Variants in MAP4K5 observed in about 807,000 individuals in gnomAD.
The protein encoded by MAP4K5 is mitogen-activated protein kinase kinase kinase kinase 5, also known as MAPK/ERK kinase kinase kinase 5.
Under a neutral mutation model 135.6 loss-of-function variants are expected in MAP4K5, and 82 were observed. The observed-to-expected ratio is 0.60, with a 90% CI of 0.51 to 0.73. The LOEUF is 0.73. Among genes scored for constraint, MAP4K5 ranks in the 30% least tolerant of loss-of-function variants. The pLI is 0.00. For synonymous variants in MAP4K5, 347 were observed against 335.0 expected, an observed-to-expected ratio of 1.04 and a Z score of -0.39; for missense variants, 907 against 1,010.9, an observed-to-expected ratio of 0.90 and a Z score of 1.39.
intron 1 of MAP4K5, chr14:50,559,438 T>C (rs191111094): frequency 7.2e-5 from 11 of 152,328 alleles, no homozygotes; most frequent in African/African-American, 2.4e-4. Context: ...ATTTTTTTTC[T>C]TTTCCTTTCA....
chr14:50,450,936 A>G (rs2036470490), intron 14 of MAP4K5, among the ~76,000 whole-genome samples: 1 of 152,224 alleles, frequency 6.6e-6, no homozygotes, highest in South Asian at 2.1e-4. Flanking sequence ...CCAGTTGAAA[A>G]CAAATTAGTA....
chr14:50,481,476 C>T (rs1336580151), intron 6 of MAP4K5, among the ~76,000 whole-genome samples: 1 of 151,932 alleles, frequency 6.6e-6, no homozygotes, highest in African/African-American at 2.4e-5. Flanking sequence ...CATAGAGTAT[C>T]AATTTCTTTC....
Position 50,419,819 on chromosome 14 carries a change from A to G in MAP4K5, c.*200T>C. ...AGCTTTTATTAAGCAAACTTGATAT[A>G]ACCACCACACAGTGGCAAGAGATAG... On this transcript the variant is annotated 3_prime_UTR_variant, in exon 33 of 33. Transcript: ENST00000682126. The G allele has an allele frequency of 4.1e-6, 2 of 486,348 alleles. No homozygotes were observed. The highest frequency in any genetic ancestry group is 7.7e-5 in the South Asian group (2 of 26,024). 30.1% of individuals were successfully genotyped at this position (486,348 alleles called of 1,614,324 possible).
chr14:50,508,267 CAT>C (rs1367392638), intron 2 of MAP4K5, among the ~76,000 whole-genome samples: 3 of 152,030 alleles, frequency 2.0e-5, no homozygotes, highest in African/African-American at 4.8e-5. Flanking sequence ...CACATGCACA[CAT>C]ATGTTTATTG....
chr14:50,485,544 G>A lies in MAP4K5; in HGVS notation c.322+34C>T, dbSNP rs192232053. 339 of 1,347,738 alleles carry A rather than the reference G, an allele frequency of 2.5e-4. 1 individual carries two copies. The African/African-American group carries it at 4.4e-3, about 17-fold the overall frequency. The allele number at this position is 1,347,738 out of a possible 1,614,324, so 83.5% of individuals were successfully genotyped here. Reference sequence around the variant, plus strand: ...TCGAACAACAATCATTAAAACCAAAGTCTGTTTAAAATGTAAAGTCAAATT... The same window carrying A: ...TCGAACAACAATCATTAAAACCAAAATCTGTTTAAAATGTAAAGTCAAATT... On this transcript the variant is annotated intron_variant, in intron 5 of 32. Transcript: ENST00000682126.
chr14:50,498,025 A>T (rs765752306), intron 3 of MAP4K5, among the ~76,000 whole-genome samples: 5 of 152,186 alleles, frequency 3.3e-5, no homozygotes, highest in Non-Finnish European at 4.4e-5. Flanking sequence ...GGAAAGTAGG[A>T]TTCTGATGGT....
intron 13 of MAP4K5, among the ~76,000 whole-genome samples, chr14:50,458,276 G>A (rs958375200): frequency 1.3e-5 from 2 of 151,976 alleles, no homozygotes; most frequent in African/African-American, 4.8e-5. Flanking sequence ...CCTTCTCATG[G>A]ACTCTGCCTT....
chr14:50,467,956 A>C (rs1286951482), intron 10 of MAP4K5, among the ~76,000 whole-genome samples: 1 of 151,982 alleles, frequency 6.6e-6, no homozygotes, highest in African/African-American at 2.4e-5. Context: ...CATTCTGTTA[A>C]TTTTCTTTTT....
intron 3 of MAP4K5, among the ~76,000 whole-genome samples, chr14:50,497,584 C>T (rs1479119657): frequency 6.6e-6 from 1 of 152,162 alleles, no homozygotes; most frequent in Non-Finnish European, 1.5e-5. Flanking sequence ...AAGAACAAGG[C>T]AAACTAATGG....
At chr14:50,527,197 A>T (rs753798539) in intron 2 of MAP4K5, among the ~76,000 whole-genome samples, 2 of 151,316 alleles carry the variant, frequency 1.3e-5, no homozygotes, top group Non-Finnish European at 2.9e-5. Context: ...AAATTAGCTG[A>T]GTGTGGTGGC....
At chr14:50,479,272 G>T in intron 6 of MAP4K5, among the ~76,000 whole-genome samples, 1 of 146,688 alleles carries the variant, frequency 6.8e-6, no homozygotes, top group African/African-American at 2.5e-5. Context: ...ACTTGAAATT[G>T]TCCTACAGCT....
At chr14:50,502,151 T>C (rs1367301534) in intron 3 of MAP4K5, among the ~76,000 whole-genome samples, 2 of 152,158 alleles carry the variant, frequency 1.3e-5, no homozygotes, top group African/African-American at 4.8e-5. Flanking sequence ...ACGTGGGAGT[T>C]ATTTATAGCC....
intron 13 of MAP4K5, among the ~76,000 whole-genome samples, chr14:50,458,414 CT>C (rs1162400371): frequency 6.6e-6 from 1 of 152,142 alleles, no homozygotes; most frequent in African/African-American, 2.4e-5. Context: ...CTTCCAGCTA[CT>C]GCTCTATCCT....
At chr14:50,484,535 A>G (rs2037321476) in intron 5 of MAP4K5, among the ~76,000 whole-genome samples, 1 of 152,200 alleles carries the variant, frequency 6.6e-6, no homozygotes, top group South Asian at 2.1e-4. Context: ...TAATTTTTAA[A>G]AGCCTAAGTA....
At chr14:50,448,392 A>G (rs1408667347) in intron 15 of MAP4K5, among the ~76,000 whole-genome samples, 1 of 152,116 alleles carries the variant, frequency 6.6e-6, no homozygotes, top group Admixed American at 6.6e-5. Flanking sequence ...AAAAGAAACT[A>G]TATTAACAAA....
intron 2 of MAP4K5, among the ~76,000 whole-genome samples, chr14:50,539,500 T>C (rs773979655): frequency 3.9e-5 from 6 of 152,226 alleles, no homozygotes; most frequent in Non-Finnish European, 7.3e-5. Flanking sequence ...AGGGCCTGAC[T>C]ATAAAGGCTT....
At chr14:50,433,735 A>G (rs559970993) in intron 28 of MAP4K5, among the ~76,000 whole-genome samples, 16 of 152,238 alleles carry the variant, frequency 1.1e-4, no homozygotes, top group Non-Finnish European at 1.9e-4. Flanking sequence ...CTTGCTTGGC[A>G]TATGTAAAAA....
intron 32 of MAP4K5, among the ~76,000 whole-genome samples, chr14:50,420,886 GA>G (rs538774913): frequency 2.5e-4 from 36 of 144,394 alleles, no homozygotes; most frequent in Non-Finnish European, 2.3e-4. Flanking sequence ...GGACTGATAG[GA>G]AAAAAAAAAA....
chr14:50,533,942 G>A (rs1242811890), upstream of MAP4K5, among the ~76,000 whole-genome samples: 1 of 152,160 alleles, frequency 6.6e-6, no homozygotes, highest in East Asian at 1.9e-4. Flanking sequence ...AGACTTACAT[G>A]CTCCATGGAC....
Sources: gnomAD v4.1 joint callset for allele counts (sites outside exome capture counted in the v4.1 genomes callset) on GRCh38, gnomAD v4.1.1 for gene constraint, MANE v1.5 for transcripts, NCBI Gene and HGNC (gene_info 2026-07-23, HGNC 2026-07-21) for gene names.